The following FSTL5 variants were observed in gnomAD, a reference collection of about 807,000 sequenced individuals.
FSTL5 encodes follistatin like 5.
A neutral mutation model predicts 89.1 loss-of-function variants in FSTL5; 62 were observed. That is an observed-to-expected ratio of 0.70 (90% CI 0.57 to 0.86). The LOEUF is 0.86. FSTL5 is among the 40% of genes least tolerant of loss of function. The pLI, the probability that FSTL5 is intolerant of heterozygous loss-of-function variation, is 0.00. For missense variants in FSTL5, 1,057 were observed against 1,001.6 expected (o/e 1.06, Z -0.75); for synonymous variants, 383 against 346.2 (o/e 1.11, Z -1.18).
chr4:161,572,678 A>C (rs1352480435), intron 8 of FSTL5, among the ~76,000 whole-genome samples: 1 of 152,196 alleles, frequency 6.6e-6, no homozygotes, highest in African/African-American at 2.4e-5. Context: ...TCTCATGTAC[A>C]AGTAACAAGT....
At chr4:161,973,874 A>C (rs1311662955) in intron 3 of FSTL5, among the ~76,000 whole-genome samples, 1 of 152,174 alleles carries the variant, frequency 6.6e-6, no homozygotes, top group Non-Finnish European at 1.5e-5. Context: ...GTCTCAGCCC[A>C]AAATCTCCTT....
intron 15 of FSTL5, among the ~76,000 whole-genome samples, chr4:161,447,999 T>C (rs1202132074): frequency 6.6e-6 from 1 of 152,084 alleles, no homozygotes; most frequent in African/African-American, 2.4e-5. Context: ...TTGTGTTTGT[T>C]TGGAGTGGAG....
At chr4:161,779,811 G>GTGTATATATA (rs1560841057) in intron 4 of FSTL5, among the ~76,000 whole-genome samples, 1 of 40,446 alleles carries the variant, frequency 2.5e-5, no homozygotes, top group South Asian at 8.1e-4. Context: ...ATATATATAT[G>GTGTATATATA]TATATATATA....
chr4:161,403,835 A>G (rs757848263), intron 15 of FSTL5, among the ~76,000 whole-genome samples: 28 of 152,336 alleles, frequency 1.8e-4, no homozygotes, highest in Middle Eastern at 6.8e-3. Context: ...AAATGGAACA[A>G]AGACTGCCAG....
chr4:161,972,048 G>A lies in FSTL5; in HGVS notation c.161-51396C>T, dbSNP rs535697486. 2.0e-5 allele frequency among the ~76,000 whole-genome samples: 3 copies of A among 152,074 alleles called. No homozygotes were observed. In the East Asian group the frequency reaches 5.8e-4, roughly 29 times the overall value. On this transcript the variant is annotated intron_variant, in intron 3 of 15. Transcript: ENST00000306100. ...GCACTCACTTGTATAATTCCTTCTGGCCACTGCTCCACTTCTCTGATTAAT... is the reference window on the plus strand; with the variant it reads ...GCACTCACTTGTATAATTCCTTCTGACCACTGCTCCACTTCTCTGATTAAT...
At chr4:161,837,589 T>A (rs934440633) in intron 4 of FSTL5, among the ~76,000 whole-genome samples, 2 of 152,076 alleles carry the variant, frequency 1.3e-5, no homozygotes, top group Non-Finnish European at 2.9e-5. Flanking sequence ...TAAAGCACTT[T>A]AAAATCATTA....
chr4:161,619,812 C>T (rs990477787), intron 7 of FSTL5, among the ~76,000 whole-genome samples: 16 of 151,966 alleles, frequency 1.1e-4, no homozygotes, highest in Admixed American at 3.9e-4. Context: ...CTAGAAATAC[C>T]ACTTGACCCA....
chr4:161,843,762 C>T (rs1434775892), intron 4 of FSTL5, among the ~76,000 whole-genome samples: 15 of 151,930 alleles, frequency 9.9e-5, no homozygotes, highest in Non-Finnish European at 2.1e-4. Context: ...TGAAACTGGC[C>T]CCTTCCTTAC....
chr4:161,747,841 A>G (rs1282261143), intron 6 of FSTL5, among the ~76,000 whole-genome samples: 1 of 152,170 alleles, frequency 6.6e-6, no homozygotes, highest in Non-Finnish European at 1.5e-5. Context: ...GTTGATGTTT[A>G]TTTAACTTCA....
rs564364925 is a variant in FSTL5, at chr4:162,051,813, G to A, written c.127-18155C>T. ...CACCACATGATGAAATTCATGGAGC[G>A]CTGAAAAAAAACAGTATTTGTGGGA... On this transcript the variant is annotated intron_variant, in intron 2 of 15. Transcript: ENST00000306100. 1.3e-4 allele frequency among the ~76,000 whole-genome samples: 19 copies of A among 151,154 alleles called. No individual in the cohort carries two copies. In the East Asian group the frequency reaches 2.1e-3, roughly 17 times the overall value.
At chr4:161,871,551 T>G (rs1261275051) in intron 4 of FSTL5, among the ~76,000 whole-genome samples, 1 of 152,150 alleles carries the variant, frequency 6.6e-6, no homozygotes, top group Non-Finnish European at 1.5e-5. Context: ...CTACATATAT[T>G]ATCACATATA....
chr4:161,782,931 G>A (rs1215211272), intron 4 of FSTL5, among the ~76,000 whole-genome samples: 1 of 152,052 alleles, frequency 6.6e-6, no homozygotes, highest in Non-Finnish European at 1.5e-5. Context: ...ATATTTCTGA[G>A]GGTTGCAATT....
intron 6 of FSTL5, among the ~76,000 whole-genome samples, chr4:161,713,274 A>G (rs920866131): frequency 6.6e-6 from 1 of 152,208 alleles, no homozygotes; most frequent in African/African-American, 2.4e-5. Context: ...ACATGCTGTT[A>G]ATAATTTTGC....
chr4:161,486,218 T>C (rs1206931236), intron 12 of FSTL5, among the ~76,000 whole-genome samples: 2 of 151,870 alleles, frequency 1.3e-5, no homozygotes, highest in Middle Eastern at 3.4e-3. Context: ...CTGTAATTTA[T>C]GTGAATAAAA....
At chr4:161,785,940 T>C (rs1741889459) in intron 4 of FSTL5, among the ~76,000 whole-genome samples, 1 of 152,068 alleles carries the variant, frequency 6.6e-6, no homozygotes, top group African/African-American at 2.4e-5. Flanking sequence ...ACAAGAAAAA[T>C]GCAAAAGTGG....
rs900496570 is a variant in FSTL5 at position 161,384,994 on chromosome 4, G to A, written c.*753C>T. 2.6e-5 allele frequency: 4 copies of A among 152,104 alleles called. No individual in the cohort carries two copies. Among genetic ancestry groups the A allele is most frequent in the Non-Finnish European group, 4.4e-5 (3 of 67,994 alleles). The allele number at this position is 152,104 out of a possible 1,614,324, so 9.4% of individuals were successfully genotyped here. Reference sequence around the variant, plus strand: ...ACTCTAGTGATTGAAAGCAAAATGAGTAGATAGATTGCAAATATTTTGACT... The same window carrying A: ...ACTCTAGTGATTGAAAGCAAAATGAATAGATAGATTGCAAATATTTTGACT... On this transcript the variant is annotated 3_prime_UTR_variant, in exon 16 of 16. Transcript: ENST00000306100.
intron 2 of FSTL5, among the ~76,000 whole-genome samples, chr4:162,050,807 G>C (rs1263506707): frequency 6.6e-6 from 1 of 151,084 alleles, no homozygotes; most frequent in African/African-American, 2.4e-5. Flanking sequence ...TTGATGGGAA[G>C]ATATAAATGT....
intron 7 of FSTL5, among the ~76,000 whole-genome samples, chr4:161,602,321 C>T (rs1042232528): frequency 1.3e-5 from 2 of 148,230 alleles, no homozygotes; most frequent in African/African-American, 5.1e-5. Context: ...CCTTGGAAGA[C>T]TTATCAGTAG....
At chr4:161,699,863 T>C (rs1738316501) in intron 6 of FSTL5, among the ~76,000 whole-genome samples, 1 of 152,154 alleles carries the variant, frequency 6.6e-6, no homozygotes, top group Non-Finnish European at 1.5e-5. Context: ...CAAGATCCTC[T>C]ATTACTCTTT....
Sources: gnomAD v4.1 joint callset for allele counts (sites outside exome capture counted in the v4.1 genomes callset) on GRCh38, gnomAD v4.1.1 for gene constraint, MANE v1.5 for transcripts, NCBI Gene and HGNC (gene_info 2026-07-23, HGNC 2026-07-21) for gene names.